Variants in ARHGEF10L observed in about 807,000 individuals in gnomAD.
The protein encoded by ARHGEF10L is Rho guanine nucleotide exchange factor 10 like, also known as rho guanine nucleotide exchange factor 10-like protein.
A neutral mutation model predicts 141.2 loss-of-function variants in ARHGEF10L; 69 were observed. That is an observed-to-expected ratio of 0.49 (90% confidence interval 0.40 to 0.60). ARHGEF10L has a LOEUF of 0.60. ARHGEF10L is among the 20% of genes least tolerant of loss of function. The probability of loss-of-function intolerance (pLI) is 0.00; values close to 1 mark genes in which losing one functional copy is unlikely to be tolerated. For synonymous variants in ARHGEF10L, 711 were observed against 718.5 expected, an observed-to-expected ratio of 0.99 and a Z score of 0.17; for missense variants, 1,482 against 1,734.3, an observed-to-expected ratio of 0.85 and a Z score of 2.58.
At chr1:17,542,981 A>G (rs1386324472) in intron 1 of ARHGEF10L, among the ~76,000 whole-genome samples, 1 of 152,162 alleles carries the variant, frequency 6.6e-6, no homozygotes, top group Non-Finnish European at 1.5e-5. Context: ...AGTCCAGGAG[A>G]GAATCAGGCT....
chr1:17,647,040 G>A (rs149486280), intron 21 of ARHGEF10L, among the ~76,000 whole-genome samples: 18 of 152,092 alleles, frequency 1.2e-4, no homozygotes, highest in Admixed American at 5.9e-4. Flanking sequence ...TGTGGCTGGC[G>A]GGAACTCTCC....
At position 17,607,529 on chromosome 1, in the gene ARHGEF10L, G is replaced by T. The variant is rs1424131873; in HGVS notation, c.434-273G>T. ...TGAGCGCTGAGACCATACAAAAGCA[G>T]TGCTGGGAGCAAAAGGAAGTGAGCG... On this transcript the variant is annotated intron_variant, in intron 6 of 28. Transcript: ENST00000361221. The surrounding 1 kb of genome is among the most constrained non-coding windows in gnomAD (Gnocchi z 4.5). 1.3e-5 allele frequency among the ~76,000 whole-genome samples: 2 copies of T among 152,226 alleles called. No individual in the cohort carries two copies. The highest frequency in any genetic ancestry group is 4.8e-5 in the African/African-American group (2 of 41,470).
chr1:17,534,545 G>T, the ARHGEF10L span, among the ~76,000 whole-genome samples: 1 of 151,334 alleles, frequency 6.6e-6, no homozygotes, highest in Non-Finnish European at 1.5e-5. Flanking sequence ...ACAGGCATGA[G>T]TCATGGTGCC....
the ARHGEF10L span, among the ~76,000 whole-genome samples, chr1:17,533,496 C>T: frequency 2.0e-5 from 3 of 152,070 alleles, no homozygotes; most frequent in Non-Finnish European, 4.4e-5. Context: ...CACTACATTC[C>T]CCAGGAGAAT....
intron 26 of ARHGEF10L, among the ~76,000 whole-genome samples, chr1:17,670,819 GC>G (rs2063274304): frequency 6.6e-6 from 1 of 152,252 alleles, no homozygotes; most frequent in Non-Finnish European, 1.5e-5. Context: ...GCAGTGTGCA[GC>G]CATGCTGGCC....
intron 1 of ARHGEF10L, among the ~76,000 whole-genome samples, chr1:17,579,759 G>A (rs1341733937): frequency 6.6e-6 from 1 of 152,208 alleles, no homozygotes; most frequent in Non-Finnish European, 1.5e-5. Flanking sequence ...TCCTCCACAA[G>A]ATGTCTAGGA....
Position 17,616,011 on chromosome 1 carries a change from C to T in ARHGEF10L, c.727-83C>T, listed in dbSNP as rs75911665. ...CTGGGTGGTTCTGATCTCTGCAGGCCGAGGCCTGGGGAGGCGGGTGGCCCT... is the reference window on the plus strand; with the variant it reads ...CTGGGTGGTTCTGATCTCTGCAGGCTGAGGCCTGGGGAGGCGGGTGGCCCT... On this transcript the variant is annotated intron_variant, in intron 8 of 28. Transcript: ENST00000361221. 4.2e-3 allele frequency: 4,967 copies of T among 1,183,138 alleles called. 22 individuals are homozygous for T. Among genetic ancestry groups the T allele is most frequent in the South Asian group, 9.6e-3 (753 of 78,158 alleles). 73.3% of individuals were successfully genotyped at this position (1,183,138 alleles called of 1,614,324 possible). A position where few individuals can be genotyped will look rare whatever the true frequency, so the allele number is the denominator to read the frequency against.
the ARHGEF10L span, among the ~76,000 whole-genome samples, chr1:17,516,232 G>A: frequency 5.3e-5 from 8 of 152,350 alleles, no homozygotes; most frequent in East Asian, 1.9e-4. Flanking sequence ...TGGAGTGACC[G>A]ACAGTTTGGG....
intron 1 of ARHGEF10L, among the ~76,000 whole-genome samples, chr1:17,575,845 T>TC (rs2078199503): frequency 6.6e-6 from 1 of 152,034 alleles, no homozygotes; most frequent in African/African-American, 2.4e-5. Flanking sequence ...ACCTGGTCTT[T>TC]CCCCCCATTC....
the ARHGEF10L span, among the ~76,000 whole-genome samples, chr1:17,518,440 C>A: frequency 1.3e-3 from 204 of 152,280 alleles, no homozygotes; most frequent in African/African-American, 4.5e-3. Context: ...GATACTTGTG[C>A]TCTTAATGAT....
At chr1:17,664,651 C>G (rs972844814) in intron 26 of ARHGEF10L, 56 bp downstream of exon 26, 12 of 1,454,690 alleles carry the variant, frequency 8.2e-6, no homozygotes, top group Non-Finnish European at 1.1e-5. Flanking sequence ...TTTTGCTGAC[C>G]CTTTCTTATG....
At chr1:17,676,860 G>T (rs779444369) in intron 26 of ARHGEF10L, among the ~76,000 whole-genome samples, 5 of 151,764 alleles carry the variant, frequency 3.3e-5, no homozygotes, top group Non-Finnish European at 7.4e-5. Context: ...GCTGTCTTCT[G>T]ATTGGGCAGA....
upstream of ARHGEF10L, among the ~76,000 whole-genome samples, chr1:17,537,932 A>G (rs1012576685): frequency 6.6e-6 from 1 of 151,694 alleles, no homozygotes; most frequent in African/African-American, 2.4e-5. Context: ...TAGGCACTAC[A>G]GGCACCACCA....
rs758693325 is a variant in ARHGEF10L at position 17,593,611 on chromosome 1, G to T, written c.257+5132G>T. ...GTGGCTTCTCGAGGCTGGAAAAGGT[G>T]GGGGATGGCTTCTCCCCTGGAGCTG... On this transcript the variant is annotated intron_variant, in intron 4 of 28. Coordinates refer to ENST00000361221, the MANE Select transcript of ARHGEF10L (RefSeq NM_018125.4). 2.6e-5 allele frequency among the ~76,000 whole-genome samples: 4 copies of T among 152,106 alleles called. No homozygotes were observed. In the East Asian group the frequency reaches 7.7e-4, roughly 29 times the overall value.
chr1:17,641,650 C>A (rs1221934404), intron 21 of ARHGEF10L, among the ~76,000 whole-genome samples: 5 of 150,916 alleles, frequency 3.3e-5, no homozygotes, highest in Non-Finnish European at 5.9e-5. Flanking sequence ...AAACAAAACA[C>A]AACAAAACAA....
intron 26 of ARHGEF10L, among the ~76,000 whole-genome samples, chr1:17,664,830 G>T (rs1398946850): frequency 6.6e-6 from 1 of 152,230 alleles, no homozygotes; most frequent in Non-Finnish European, 1.5e-5. Context: ...CTGCACTGTG[G>T]CCTGGATCCT....
chr1:17,648,737 G>C (rs2061739918), intron 22 of ARHGEF10L, 62 bp downstream of exon 22: 1 of 1,581,200 alleles, frequency 6.3e-7, no homozygotes, highest in South Asian at 1.1e-5. Context: ...CCTCGCCTGG[G>C]AGAACCAGAG....
Position 17,637,962 on chromosome 1 carries a change from C to A in ARHGEF10L, c.2002C>A (p.Gln668Lys). ...GCAGAAGGACCTGGCCGTGGTGGAG[C>A]AGATCACGCTTCTCATCAGCACGCT... ...DLQKDLAVVE[Q>K]ITLLISTLHG... Residue 668 changes from glutamine to lysine, a missense_variant, in exon 19 of 29, where the codon CAG becomes AAG. Gln to Lys is a moderately conservative substitution (Grantham distance 53). This residue lies in a region of ARHGEF10L where 858 missense variants were observed against 966.3 expected (regional missense o/e 0.89). Transcript: ENST00000361221. 6.2e-7 allele frequency: 1 copy of A among 1,600,214 alleles called. No individual in the cohort carries two copies. Among genetic ancestry groups the A allele is most frequent in the Non-Finnish European group, 8.5e-7 (1 of 1,173,406 alleles).
chr1:17,583,243 G>C (rs2078740099), intron 2 of ARHGEF10L, among the ~76,000 whole-genome samples: 1 of 149,142 alleles, frequency 6.7e-6, no homozygotes, highest in African/African-American at 2.5e-5. Context: ...GAAATGACCT[G>C]AGTCCCTGGA....
Sources: allele counts gnomAD v4.1 joint callset (sites outside exome capture counted in the v4.1 genomes callset), GRCh38; gene constraint gnomAD v4.1.1; regional missense constraint gnomAD v4.1.1; non-coding constraint Gnocchi (gnomAD v3.1); transcripts MANE v1.5; gene names NCBI Gene and HGNC (gene_info 2026-07-23, HGNC 2026-07-21).